Variants in DUSP13B observed in about 807,000 individuals in gnomAD.
DUSP13B encodes the protein dual specificity protein phosphatase 13B.
chr10:75,098,902 A>T, the DUSP13B span: 968 of 1,131,482 alleles, frequency 8.6e-4, 4 homozygotes, highest in Middle Eastern at 4.6e-3. Flanking sequence ...GTTTTAGTCC[A>T]TCCCCAAGCC....
At chr10:75,096,502 G>C in the DUSP13B span, among the ~76,000 whole-genome samples, 3 of 151,830 alleles carry the variant, frequency 2.0e-5, no homozygotes, top group African/African-American at 7.3e-5. Context: ...ACCTGAGCCT[G>C]GGAGGTTGAG....
At chr10:75,097,885 C>T in the DUSP13B span, 2 of 1,593,636 alleles carry the variant, frequency 1.3e-6, no homozygotes, top group Non-Finnish European at 1.7e-6. Flanking sequence ...GTGAGTCCAT[C>T]CTGGAACAGA....
At chr10:75,105,616 C>G in the DUSP13B span, 2 of 1,520,112 alleles carry the variant, frequency 1.3e-6, no homozygotes, top group Non-Finnish European at 1.8e-6. Flanking sequence ...CCTCACCTGG[C>G]CTCTTCCGGC....
At chr10:75,106,004 G>A in the DUSP13B span, 2 of 767,500 alleles carry the variant, frequency 2.6e-6, no homozygotes, top group South Asian at 3.5e-5. Flanking sequence ...CAGCCTTTAT[G>A]GACCTCAGTT....
chr10:75,103,799 C>T, the DUSP13B span: 5 of 1,001,808 alleles, frequency 5.0e-6, no homozygotes, highest in East Asian at 6.2e-5. Context: ...TCTGGAACCC[C>T]CTTCCTCTCT....
At chr10:75,104,070 G>A in the DUSP13B span, 2 of 1,359,700 alleles carry the variant, frequency 1.5e-6, no homozygotes. Context: ...AAGTGGCAGA[G>A]CCCCATGGCA....
the DUSP13B span, among the ~76,000 whole-genome samples, chr10:75,101,429 G>C: frequency 6.6e-6 from 1 of 152,180 alleles, no homozygotes; most frequent in East Asian, 1.9e-4. Flanking sequence ...CTACGGGACA[G>C]TGAGATTTCT....
chr10:75,095,569 G>A, the DUSP13B span: 2 of 1,612,924 alleles, frequency 1.2e-6, no homozygotes, highest in South Asian at 1.1e-5. Context: ...TGATCCAGAA[G>A]TGCACCTTGG....
At chr10:75,105,598 GCCTAGGCCCTCACCTGGCCTCTTCCGGC>G in the DUSP13B span, 4 of 1,436,572 alleles carry the variant, frequency 2.8e-6, no homozygotes, top group South Asian at 5.0e-5. Context: ...TATGTCTGCA[GCCTAGGCCCTCACCTGGCCTCTTCCGGC>G]CAACCACATC....
the DUSP13B span, chr10:75,108,310 C>T: frequency 6.7e-7 from 1 of 1,485,276 alleles, no homozygotes; most frequent in Non-Finnish European, 8.9e-7. Flanking sequence ...CCATTAGGGT[C>T]CAAAGAGAGT....
chr10:75,098,986 G>A, the DUSP13B span: 2 of 1,232,212 alleles, frequency 1.6e-6, no homozygotes, highest in Non-Finnish European at 2.0e-6. Context: ...GCCTGGTACT[G>A]CTGAGCCACA....
the DUSP13B span, chr10:75,104,229 G>A: frequency 2.0e-6 from 1 of 489,662 alleles, no homozygotes; most frequent in Non-Finnish European, 3.4e-6. Flanking sequence ...AAGGTCAAGT[G>A]AGTGCAGCTG....
the DUSP13B span, chr10:75,101,841 C>G: frequency 5.9e-6 from 8 of 1,358,664 alleles, no homozygotes; most frequent in Admixed American, 1.9e-5. Context: ...CATCCTACCC[C>G]CCCCAAATTA....
At chr10:75,108,897 G>T in the DUSP13B span, 1 of 1,390,534 alleles carries the variant, frequency 7.2e-7, no homozygotes, top group Non-Finnish European at 9.6e-7. Flanking sequence ...GGCCTGGGAT[G>T]GTCAGAGCAG....
chr10:75,108,897 G>A, the DUSP13B span: 3 of 1,390,536 alleles, frequency 2.2e-6, no homozygotes, highest in Non-Finnish European at 2.9e-6. Flanking sequence ...GGCCTGGGAT[G>A]GTCAGAGCAG....
At chr10:75,103,555 T>G in the DUSP13B span, among the ~76,000 whole-genome samples, 1 of 152,322 alleles carries the variant, frequency 6.6e-6, no homozygotes, top group South Asian at 2.1e-4. Flanking sequence ...CAATTGGGCC[T>G]ACTAGAAATC....
chr10:75,101,113 G>A, the DUSP13B span, among the ~76,000 whole-genome samples: 2 of 152,208 alleles, frequency 1.3e-5, no homozygotes, highest in Non-Finnish European at 2.9e-5. Context: ...CAGAAGGGTG[G>A]CGTGTGGCTG....
the DUSP13B span, chr10:75,109,008 C>T: frequency 3.7e-6 from 6 of 1,600,828 alleles, no homozygotes; most frequent in Non-Finnish European, 5.1e-6. Flanking sequence ...CTACCACTCA[C>T]GCATCTCCTA....
the DUSP13B span, among the ~76,000 whole-genome samples, chr10:75,105,214 G>A: frequency 6.6e-6 from 1 of 152,308 alleles, no homozygotes; most frequent in East Asian, 1.9e-4. Flanking sequence ...GGGGGAAGGG[G>A]ATGTGGAGGT....
Sources: allele counts gnomAD v4.1 joint callset (sites outside exome capture counted in the v4.1 genomes callset), GRCh38; gene constraint gnomAD v4.1.1; transcripts MANE v1.5; gene names NCBI Gene and HGNC (gene_info 2026-07-23, HGNC 2026-07-21).